Variants in BANK1 observed in about 807,000 individuals in gnomAD.
BANK1 encodes the protein B-cell scaffold protein with ankyrin repeats.
In BANK1, 95 loss-of-function variants were observed where a neutral mutation model predicts 94.5. The ratio of observed to expected loss-of-function variants is 1.00; its 90% CI spans 0.85 to 1.19. The LOEUF is 1.19. Ranked by LOEUF, BANK1 falls within the 50% of genes most tolerant of loss-of-function variation. The pLI, the probability that BANK1 is intolerant of heterozygous loss-of-function variation, is 0.00. For missense variants in BANK1, 987 were observed against 932.2 expected (o/e 1.06, Z -0.77); for synonymous variants, 334 against 308.4 (o/e 1.08, Z -0.87).
At chr4:101,871,550 T>G (rs1264105775) in intron 5 of BANK1, among the ~76,000 whole-genome samples, 1 of 152,122 alleles carries the variant, frequency 6.6e-6, no homozygotes, top group Non-Finnish European at 1.5e-5. Context: ...TTATATTATA[T>G]GAACGACATA....
At chr4:101,856,542 A>C (rs1315449266) in intron 3 of BANK1, among the ~76,000 whole-genome samples, 4 of 152,206 alleles carry the variant, frequency 2.6e-5, no homozygotes, top group Admixed American at 2.0e-4. Flanking sequence ...TGAAACTAAA[A>C]GTAGCTCAAC....
At chr4:102,045,380 C>G (rs962905490) in intron 11 of BANK1, among the ~76,000 whole-genome samples, 4 of 152,070 alleles carry the variant, frequency 2.6e-5, no homozygotes, top group Admixed American at 2.6e-4. Context: ...AAAACTGGCA[C>G]AAGACAGGGA....
At chr4:102,039,897 C>T (rs917060437) in intron 10 of BANK1, among the ~76,000 whole-genome samples, 1 of 152,076 alleles carries the variant, frequency 6.6e-6, no homozygotes, top group African/African-American at 2.4e-5. Flanking sequence ...GCATTATCAT[C>T]AATGATAGCT....
chr4:101,984,434 T>C (rs1395805753), intron 7 of BANK1, among the ~76,000 whole-genome samples: 1 of 152,126 alleles, frequency 6.6e-6, no homozygotes, highest in Non-Finnish European at 1.5e-5. Flanking sequence ...CTTTTTGTTT[T>C]GATGAAGATT....
chr4:101,950,018 GGTGTGTGTGTGTGTGTGTGT>G (rs6148602), intron 7 of BANK1, among the ~76,000 whole-genome samples: 41 of 149,252 alleles, frequency 2.7e-4, no homozygotes, highest in East Asian at 1.6e-3. Flanking sequence ...GGAAGTAAGG[GGTGTGTGTGTGTGTGTGTGT>G]GTGTGTGTGT....
intron 1 of BANK1, among the ~76,000 whole-genome samples, chr4:101,826,138 T>C (rs1262791428): frequency 1.3e-5 from 2 of 152,082 alleles, no homozygotes; most frequent in Admixed American, 6.5e-5. Flanking sequence ...CTGTTTCCTC[T>C]TTCTCCTTGG....
At chr4:101,879,633 C>CA (rs372163222) in intron 5 of BANK1, among the ~76,000 whole-genome samples, 8 of 151,254 alleles carry the variant, frequency 5.3e-5, no homozygotes, top group South Asian at 2.1e-4. Context: ...AAACACACAT[C>CA]AAAAAAAAGA....
chr4:101,980,219 ACT>A (rs1725282536), intron 7 of BANK1, among the ~76,000 whole-genome samples: 1 of 151,432 alleles, frequency 6.6e-6, no homozygotes, highest in African/African-American at 2.4e-5. Context: ...TACTCAAGAG[ACT>A]CTAAAGAATT....
chr4:101,818,992 G>A (rs1444707871), intron 1 of BANK1, among the ~76,000 whole-genome samples: 4 of 149,696 alleles, frequency 2.7e-5, no homozygotes, highest in Admixed American at 6.7e-5. Flanking sequence ...CATTTGCTAT[G>A]TATATGCATT....
intron 7 of BANK1, among the ~76,000 whole-genome samples, chr4:101,950,489 C>T (rs1423040681): frequency 3.3e-5 from 5 of 152,114 alleles, no homozygotes; most frequent in Admixed American, 1.3e-4. Flanking sequence ...GAACATCACT[C>T]CCAGCTGAGT....
chr4:101,916,400 G>T (rs4235403), intron 6 of BANK1, among the ~76,000 whole-genome samples: 1 of 151,872 alleles, frequency 6.6e-6, no homozygotes, highest in Admixed American at 6.6e-5. Context: ...AGAACAAATG[G>T]ATTGCATGGT....
chr4:101,791,792 C>G (rs2148846628), intron 1 of BANK1, among the ~76,000 whole-genome samples: 1 of 152,164 alleles, frequency 6.6e-6, no homozygotes, highest in South Asian at 2.1e-4. Context: ...TTGGTTGTAG[C>G]TATTTCTGTT....
chr4:101,935,038 C>A (rs1277813294), intron 7 of BANK1, among the ~76,000 whole-genome samples: 1 of 151,476 alleles, frequency 6.6e-6, no homozygotes, highest in East Asian at 2.0e-4. Context: ...TCAACTTTTT[C>A]TTTTTGCATA....
intron 1 of BANK1, among the ~76,000 whole-genome samples, chr4:101,799,250 T>G (rs1725266486): frequency 6.6e-6 from 1 of 152,204 alleles, no homozygotes; most frequent in South Asian, 2.1e-4. Context: ...TTTGTCAGGT[T>G]TGTCAAAGAT....
At chr4:101,882,533 A>G (rs923524428) in intron 5 of BANK1, among the ~76,000 whole-genome samples, 2 of 152,204 alleles carry the variant, frequency 1.3e-5, no homozygotes, top group Non-Finnish European at 2.9e-5. Flanking sequence ...CACTCTTTCA[A>G]AAGACTGCAT....
At chr4:101,844,436 G>A (rs551224818) in intron 2 of BANK1, among the ~76,000 whole-genome samples, 2 of 152,300 alleles carry the variant, frequency 1.3e-5, no homozygotes, top group South Asian at 4.1e-4. Context: ...TGGGTCATGA[G>A]GGCCTTTCCT....
At chr4:101,822,370 A>G (rs539250755) in intron 1 of BANK1, among the ~76,000 whole-genome samples, 151 of 150,546 alleles carry the variant, frequency 1.0e-3, no homozygotes, top group Admixed American at 1.9e-3. Context: ...GAAAAAAAGA[A>G]AAAAAAAAGG....
At chr4:102,059,158 C>A (rs774670768) in intron 11 of BANK1, among the ~76,000 whole-genome samples, 1 of 152,190 alleles carries the variant, frequency 6.6e-6, no homozygotes. Flanking sequence ...TTGTTAATAT[C>A]GTCTGGATAG....
chr4:102,007,146 T>TATATATA lies in BANK1; in HGVS notation c.1207-14368_1207-14367insATATATA, dbSNP rs1560682317. On this transcript the variant is annotated intron_variant, in intron 7 of 16. Transcript: ENST00000322953. ...TTTATATATATATAAAAAATATATT[T>TATATATA]TATATATATATATATATATATATAA... is the stretch of plus-strand genomic sequence containing the variant. 1.4e-3 allele frequency among the ~76,000 whole-genome samples: 52 copies of TATATATA among 38,054 alleles called. 2 individuals carry two copies. Among genetic ancestry groups the TATATATA allele is most frequent in the Middle Eastern group, 0.014 (1 of 70 alleles). 25.0% of individuals were successfully genotyped at this position (38,054 alleles called of 152,430 possible).
Sources: gnomAD v4.1 joint callset for allele counts (sites outside exome capture counted in the v4.1 genomes callset) on GRCh38, gnomAD v4.1.1 for gene constraint, MANE v1.5 for transcripts, NCBI Gene and HGNC (gene_info 2026-07-23, HGNC 2026-07-21) for gene names.